The following CACNA1E variants were observed in gnomAD, a reference collection of about 807,000 sequenced individuals.
CACNA1E encodes calcium voltage-gated channel subunit alpha1 E, also known as voltage-dependent R-type calcium channel subunit alpha-1E.
In CACNA1E, 40 loss-of-function variants were observed where a neutral mutation model predicts 259.2. The observed-to-expected ratio is 0.15, with a 90% CI of 0.12 to 0.20. CACNA1E has a LOEUF of 0.20. Ranked by LOEUF, CACNA1E falls within the 10% of genes least tolerant of loss-of-function variation. The probability of loss-of-function intolerance (pLI) is 1.00; values close to 1 mark genes in which losing one functional copy is unlikely to be tolerated. For synonymous variants in CACNA1E, 1,104 were observed against 1,138.5 expected (o/e 0.97, Z 0.61); for missense variants, 1,874 against 3,040.1 (o/e 0.62, Z 9.02).
intron 1 of CACNA1E, among the ~76,000 whole-genome samples, chr1:181,319,497 G>A (rs1200784552): frequency 6.6e-6 from 1 of 152,150 alleles, no homozygotes; most frequent in East Asian, 1.9e-4. Flanking sequence ...ATGGTGCAGC[G>A]ATTTCTACCA....
chr1:181,681,891 A>G (rs550164735), intron 7 of CACNA1E, among the ~76,000 whole-genome samples: 42 of 152,080 alleles, frequency 2.8e-4, no homozygotes, highest in Non-Finnish European at 5.9e-4. Context: ...CTTCCTCTAC[A>G]ACCAGGGATG....
intron 3 of CACNA1E, among the ~76,000 whole-genome samples, chr1:181,569,733 A>G (rs964235691): frequency 2.0e-5 from 3 of 152,212 alleles, no homozygotes; most frequent in Non-Finnish European, 4.4e-5. Flanking sequence ...GCAATTGGAA[A>G]TGTATTAACA....
rs112700845 is a variant in CACNA1E at position 181,496,142 on chromosome 1, A to T, written c.266+12132A>T. ...GTTTACACTTTTAAAAATAAAATTT[A>T]AAATATCTACATCAAAACCTGTTTC... On this transcript the variant is annotated intron_variant, in intron 1 of 47. Coordinates refer to ENST00000367573, the MANE Select transcript of CACNA1E (RefSeq NM_001205293.3). Among the ~76,000 whole-genome samples the T allele has an allele frequency of 9.7e-3, 1,475 of 152,338 alleles. 27 individuals are homozygous for T. Among genetic ancestry groups the T allele is most frequent in the African/African-American group, 0.034 (1,421 of 41,566 alleles).
chr1:181,788,972 C>A (rs572196723), intron 43 of CACNA1E, among the ~76,000 whole-genome samples: 1 of 152,328 alleles, frequency 6.6e-6, no homozygotes, highest in Admixed American at 6.5e-5. Context: ...TCAAGTGAAC[C>A]TCCTGCCTCA....
chr1:181,638,498 G>A (rs1657439977), intron 6 of CACNA1E, among the ~76,000 whole-genome samples: 1 of 152,148 alleles, frequency 6.6e-6, no homozygotes, highest in Non-Finnish European at 1.5e-5. Context: ...CAAGCTGGGT[G>A]TGGATTCCGA....
chr1:181,511,236 T>C, intron 2 of CACNA1E, 135 bp from the exon 3 acceptor site: 1 of 1,004,332 alleles, frequency 1.0e-6, no homozygotes, highest in East Asian at 2.4e-5. Flanking sequence ...CAAGGGTCCC[T>C]TAGCACCCTT....
In CACNA1E at chr1:181,803,476, C is replaced by CT. The variant is rs1458264402; in HGVS notation, c.*4645dup. 1 of 152,190 alleles carries CT rather than the reference C, an allele frequency of 6.6e-6. No individual in the cohort carries two copies. The highest frequency in any genetic ancestry group is 2.4e-5 in the African/African-American group (1 of 41,430). The allele number at this position is 152,190 out of a possible 1,614,324, so 9.4% of individuals were successfully genotyped here. A position where few individuals can be genotyped will look rare whatever the true frequency, so the allele number is the denominator to read the frequency against. On this transcript the variant is annotated 3_prime_UTR_variant, in exon 48 of 48. Coordinates refer to ENST00000367573, the MANE Select transcript of CACNA1E (RefSeq NM_001205293.3). ...TAATAAGCACTGCCTGTAGCACCAG[C>CT]TTTGTCTTTTTGTCTTTTGTTGTTT...
At position 181,763,390 on chromosome 1, in the gene CACNA1E, C is replaced by T. The variant is rs200721519; in HGVS notation, c.4690-16C>T. The T allele has an allele frequency of 7.4e-5, 115 of 1,559,668 alleles. No individual in the cohort carries two copies. The highest frequency in any genetic ancestry group is 1.3e-4 in the Admixed American group (7 of 54,372). ...CCATAATGTTCCTAATTATATGTTT[C>T]CTTTTGGTCCACCAGCTGGTGAACA... On this transcript the variant is annotated splice_polypyrimidine_tract_variant and intron_variant, in intron 33 of 47. Coordinates refer to ENST00000367573, the MANE Select transcript of CACNA1E (RefSeq NM_001205293.3).
At chr1:181,593,463 T>C (rs1206152026) in intron 6 of CACNA1E, among the ~76,000 whole-genome samples, 3 of 152,258 alleles carry the variant, frequency 2.0e-5, no homozygotes, top group Admixed American at 2.0e-4. Context: ...ACTTTAATAG[T>C]TCTTGCTAAC....
At chr1:181,719,622 G>A (rs536065522) in intron 12 of CACNA1E, 129 bp from the exon 13 acceptor site, 18 of 534,842 alleles carry the variant, frequency 3.4e-5, no homozygotes, top group Non-Finnish European at 5.8e-5. Flanking sequence ...TGAAGGTAGG[G>A]CTGGTGGGAG....
chr1:181,605,285 T>C (rs113730726), intron 6 of CACNA1E, among the ~76,000 whole-genome samples: 12 of 118,824 alleles, frequency 1.0e-4, no homozygotes, highest in East Asian at 5.6e-4. Flanking sequence ...CCACATGCAA[T>C]TGGGGAGACA....
intron 6 of CACNA1E, among the ~76,000 whole-genome samples, chr1:181,636,181 G>A (rs1011031229): frequency 6.6e-6 from 1 of 152,122 alleles, no homozygotes; most frequent in Non-Finnish European, 1.5e-5. Context: ...CATTTACTAT[G>A]TTTCAGATAC....
chr1:181,737,646 C>A lies in CACNA1E; in HGVS notation c.3544C>A (p.Arg1182Ser), dbSNP rs759093976. Residue 1182 changes from arginine to serine, a missense_variant, in exon 23 of 48, where the codon CGC (arginine) becomes AGC (serine). Transcript: ENST00000367573. ...GGACCCCGTCCTGACCAACTCGGAG[C>A]GCAACAAAGTGGGTACACAGGGGCC... ...AEDPVLTNSE[R>S]NKVLRYFDYV... 1 of 1,613,552 alleles carries A rather than the reference C, an allele frequency of 6.2e-7. No homozygotes were observed. Among genetic ancestry groups the A allele is most frequent in the Non-Finnish European group, 8.5e-7 (1 of 1,179,702 alleles).
chr1:181,755,216 G>A, intron 27 of CACNA1E, 21 bp from the exon 28 acceptor site: 2 of 1,606,978 alleles, frequency 1.2e-6, no homozygotes, highest in Non-Finnish European at 1.7e-6. Flanking sequence ...CACACAGCAG[G>A]GCTGTTTGCT....
chr1:181,782,455 A>G (rs140284247), intron 39 of CACNA1E, among the ~76,000 whole-genome samples: 1 of 152,362 alleles, frequency 6.6e-6, no homozygotes, highest in African/African-American at 2.4e-5. Context: ...TCACCTAGGA[A>G]CACATCATAG....
At chr1:181,770,452 C>G (rs972423114) in intron 35 of CACNA1E, among the ~76,000 whole-genome samples, 2 of 152,050 alleles carry the variant, frequency 1.3e-5, no homozygotes, top group Non-Finnish European at 2.9e-5. Context: ...TTTGAATGTT[C>G]ACAGTGATTA....
In CACNA1E at chr1:181,726,249, G is replaced by A. The variant is rs1372788546; in HGVS notation, c.2240+87G>A. 4.4e-6 allele frequency: 4 copies of A among 909,902 alleles called. No homozygotes were observed. The African/African-American group carries it at 6.6e-5, about 15-fold the overall frequency. The allele number at this position is 909,902 out of a possible 1,614,324, so 56.4% of individuals were successfully genotyped here. Reference sequence around the variant, plus strand: ...TCACAGAACTATTGGTTATAGGAGTGTACCTACTACATGCTGGGAACTGTT... The same window carrying A: ...TCACAGAACTATTGGTTATAGGAGTATACCTACTACATGCTGGGAACTGTT... On this transcript the variant is annotated intron_variant, in intron 18 of 47. Coordinates refer to ENST00000367573, the MANE Select transcript of CACNA1E (RefSeq NM_001205293.3).
At chr1:181,480,112 T>C (rs776998226), upstream of CACNA1E, among the ~76,000 whole-genome samples, 13 of 151,962 alleles carry the variant, frequency 8.6e-5, no homozygotes, top group Non-Finnish European at 1.6e-4. Flanking sequence ...CCGTCGTCTC[T>C]ATAAAAAAAA....
chr1:181,557,866 C>G (rs1368543644), intron 3 of CACNA1E, among the ~76,000 whole-genome samples: 1 of 152,184 alleles, frequency 6.6e-6, no homozygotes, highest in Non-Finnish European at 1.5e-5. Context: ...CCCTCTGGAC[C>G]TGCTGTGACT....
Sources: gnomAD v4.1 joint callset for allele counts (sites outside exome capture counted in the v4.1 genomes callset) on GRCh38, gnomAD v4.1.1 for gene constraint, MANE v1.5 for transcripts, NCBI Gene and HGNC (gene_info 2026-07-23, HGNC 2026-07-21) for gene names.